Variants in COL26A1 observed in about 807,000 individuals in gnomAD.
COL26A1 encodes the protein collagen type XXVI alpha 1 chain, also known as collagen alpha-1(XXVI) chain.
COL26A1 carries 41 observed loss-of-function variants against 59.3 expected under a neutral mutation model. The ratio of observed to expected loss-of-function variants is 0.69; its 90% CI spans 0.54 to 0.90. The LOEUF (loss-of-function observed/expected upper bound fraction) is 0.90. Ranked by LOEUF, COL26A1 falls within the 40% of genes least tolerant of loss-of-function variation. The probability of loss-of-function intolerance (pLI) is 0.00; values close to 1 mark genes in which losing one functional copy is unlikely to be tolerated. For missense variants in COL26A1, 612 were observed against 602.3 expected, an observed-to-expected ratio of 1.02 and a Z score of -0.17; for synonymous variants, 266 against 256.0, an observed-to-expected ratio of 1.04 and a Z score of -0.37.
At chr7:101,439,561 A>AAAAAAAAAAT (rs1287484777) in intron 2 of COL26A1, among the ~76,000 whole-genome samples, 10 of 150,854 alleles carry the variant, frequency 6.6e-5, no homozygotes, top group African/African-American at 1.9e-4. Flanking sequence ...CTGAAAAAAA[A>AAAAAAAAAAT]AAAAAAGAGG....
chr7:101,489,249 C>A (rs1164388381), intron 3 of COL26A1, among the ~76,000 whole-genome samples: 4 of 152,088 alleles, frequency 2.6e-5, no homozygotes, highest in Non-Finnish European at 5.9e-5. Flanking sequence ...TGGTTTAACC[C>A]CTGAGATTCC....
intron 8 of COL26A1, 95 bp downstream of exon 8, chr7:101,547,334 C>A: frequency 1.3e-6 from 1 of 760,394 alleles, no homozygotes; most frequent in South Asian, 1.9e-5. Flanking sequence ...GGTCGGCTGG[C>A]GGTCCATGGC....
chr7:101,487,903 T>C (rs148317285), intron 3 of COL26A1, among the ~76,000 whole-genome samples: 272 of 152,328 alleles, frequency 1.8e-3, no homozygotes, highest in African/African-American at 6.3e-3. Flanking sequence ...TATTTTGTTA[T>C]AGAGATGGGG....
At chr7:101,434,801 T>C (rs1792877216) in intron 2 of COL26A1, among the ~76,000 whole-genome samples, 1 of 152,202 alleles carries the variant, frequency 6.6e-6, no homozygotes, top group Non-Finnish European at 1.5e-5. Flanking sequence ...GTTCATCTAT[T>C]CAATTGTTCA....
Position 101,526,875 on chromosome 7 carries a change from G to A in COL26A1, c.386-6207G>A, listed in dbSNP as rs112344749. Among the ~76,000 whole-genome samples, 715 of 152,220 alleles carry A rather than the reference G, an allele frequency of 4.7e-3. 9 individuals carry two copies. The highest frequency in any genetic ancestry group is 0.015 in the African/African-American group (625 of 41,548). On this transcript the variant is annotated intron_variant, in intron 3 of 12. Transcript: ENST00000313669. ...AAAACTGAGGTGTGGAGAGAGAGAG[G>A]GCGTCTCAAGCCACACGGTGAGTTC...
chr7:101,384,969 G>T (rs1791531509), intron 1 of COL26A1, among the ~76,000 whole-genome samples: 1 of 152,084 alleles, frequency 6.6e-6, no homozygotes, highest in African/African-American at 2.4e-5. Context: ...ATATTTGAGG[G>T]CAGGAAGCTT....
chr7:101,502,698 C>T (rs1794730607), intron 3 of COL26A1, among the ~76,000 whole-genome samples: 1 of 152,182 alleles, frequency 6.6e-6, no homozygotes, highest in Non-Finnish European at 1.5e-5. Context: ...GATTGGGAGC[C>T]CCCTCATCTG....
chr7:101,533,138 G>T lies in COL26A1; in HGVS notation c.442G>T (p.Ala148Ser). The change falls in exon 4 of 13, where the codon GCC becomes TCC. Residue 148 changes from alanine to serine, a missense_variant. Coordinates refer to ENST00000313669, the MANE Select transcript of COL26A1 (RefSeq NM_001278563.3). ...GAGTGAGCGACTGACCACACTGGAG[G>T]CCAAGGTCAGTCGGGCTGGGGAGTC... ...DMSERLTTLE[A>S]KVLLLEAAER... 6.2e-7 allele frequency: 1 copy of T among 1,603,238 alleles called. No homozygotes were observed.
At chr7:101,522,767 C>T (rs1420943450) in intron 3 of COL26A1, among the ~76,000 whole-genome samples, 1 of 151,986 alleles carries the variant, frequency 6.6e-6, no homozygotes, top group Non-Finnish European at 1.5e-5. Flanking sequence ...ATACTCCCAC[C>T]CGCAGTGTAT....
intron 2 of COL26A1, among the ~76,000 whole-genome samples, chr7:101,441,242 G>A (rs1793051347): frequency 6.6e-6 from 1 of 152,134 alleles, no homozygotes; most frequent in Non-Finnish European, 1.5e-5. Flanking sequence ...GGGAATAATG[G>A]CCTCTGTTGT....
chr7:101,538,414 C>T (rs889278578), intron 4 of COL26A1, among the ~76,000 whole-genome samples: 4 of 152,232 alleles, frequency 2.6e-5, no homozygotes, highest in Admixed American at 6.5e-5. Context: ...CTAGGGGCCC[C>T]GGCCTCACCG....
intron 3 of COL26A1, among the ~76,000 whole-genome samples, chr7:101,471,567 G>GTTTTTTTT (rs796287195): frequency 1.1e-4 from 12 of 112,382 alleles, no homozygotes; most frequent in African/African-American, 4.2e-4. Flanking sequence ...TGTTGTTGTT[G>GTTTTTTTT]TTTGTTTTTT....
chr7:101,489,852 T>TGTC (rs373822958), intron 3 of COL26A1, among the ~76,000 whole-genome samples: 1 of 27,170 alleles, frequency 3.7e-5, no homozygotes, highest in Non-Finnish European at 6.3e-5. Context: ...CTTTCTTTCT[T>TGTC]TCTTTCTTTC....
intron 3 of COL26A1, among the ~76,000 whole-genome samples, chr7:101,489,976 G>T (rs1176559888): frequency 7.1e-6 from 1 of 139,952 alleles, no homozygotes; most frequent in Non-Finnish European, 1.5e-5. Context: ...TTGCACTATT[G>T]CCCAGGCTGG....
intron 1 of COL26A1, among the ~76,000 whole-genome samples, chr7:101,375,001 A>G (rs1330702615): frequency 1.3e-5 from 2 of 151,266 alleles, no homozygotes; most frequent in Non-Finnish European, 3.0e-5. Flanking sequence ...CGGAGGTTGC[A>G]GTGAGCCGAG....
chr7:101,446,929 A>G (rs971740753), intron 2 of COL26A1, among the ~76,000 whole-genome samples: 1 of 151,822 alleles, frequency 6.6e-6, no homozygotes, highest in Non-Finnish European at 1.5e-5. Flanking sequence ...GGTTTTTATC[A>G]CTCAAATCAG....
Position 101,363,176 on chromosome 7 carries a change from C to G in COL26A1, c.144C>G (p.Gly48=). Residue 48 remains glycine (G), a synonymous_variant, in exon 1 of 13, where the codon GGC becomes GGG. Coordinates refer to ENST00000313669, the MANE Select transcript of COL26A1 (RefSeq NM_001278563.3). ...PEPGAGSPGS[G]YASRRHWCHH... is the part of the protein sequence containing the mutation. ...CCGGCGCCGGCTCCCCTGGCAGCGG[C>G]TACGCGAGCCGCCGGTGAGTAGCTC... 1 of 1,498,758 alleles carries G rather than the reference C, an allele frequency of 6.7e-7. No homozygotes were observed. The highest frequency in any genetic ancestry group is 8.8e-7 in the Non-Finnish European group (1 of 1,131,432). 92.8% of individuals were successfully genotyped at this position (1,498,758 alleles called of 1,614,324 possible). A position where few individuals can be genotyped will look rare whatever the true frequency, so the allele number is the denominator to read the frequency against.
At chr7:101,521,615 G>T (rs539503082) in intron 3 of COL26A1, among the ~76,000 whole-genome samples, 7 of 152,274 alleles carry the variant, frequency 4.6e-5, no homozygotes, top group Non-Finnish European at 8.8e-5. Context: ...TGGCAAGTAG[G>T]CCACAGCAGC....
chr7:101,524,262 C>T (rs903316925), intron 3 of COL26A1, among the ~76,000 whole-genome samples: 4 of 149,772 alleles, frequency 2.7e-5, no homozygotes, highest in Non-Finnish European at 5.9e-5. Flanking sequence ...CAGAGTGAGA[C>T]TCTGTCTCAA....
Sources: allele counts gnomAD v4.1 joint callset (sites outside exome capture counted in the v4.1 genomes callset), GRCh38; gene constraint gnomAD v4.1.1; transcripts MANE v1.5; gene names NCBI Gene and HGNC (gene_info 2026-07-23, HGNC 2026-07-21).